The following ERBB4 variants were observed in gnomAD, a reference collection of about 807,000 sequenced individuals.
ERBB4 encodes the protein erb-b2 receptor tyrosine kinase 4.
ERBB4 carries 42 observed loss-of-function variants against 158.0 expected under a neutral mutation model. That is an observed-to-expected ratio of 0.27 (90% confidence interval 0.21 to 0.34). The LOEUF is 0.34. Among genes scored for constraint, ERBB4 ranks in the 10% least tolerant of loss-of-function variants. ERBB4 has a pLI of 1.00. For synonymous variants in ERBB4, 583 were observed against 558.7 expected (o/e 1.04, Z -0.61); for missense variants, 1,333 against 1,624.1 (o/e 0.82, Z 3.08).
chr2:212,081,181 C>T (rs961045810), intron 2 of ERBB4, among the ~76,000 whole-genome samples: 10 of 152,068 alleles, frequency 6.6e-5, no homozygotes, highest in Non-Finnish European at 1.5e-4. Context: ...AAATCCATTG[C>T]TGAAGCAAAT....
intron 1 of ERBB4, among the ~76,000 whole-genome samples, chr2:212,399,910 C>A (rs574428465): frequency 1.3e-5 from 2 of 151,496 alleles, no homozygotes; most frequent in East Asian, 3.9e-4. Context: ...AAACAAAAAA[C>A]GAGCACAGTA....
At chr2:212,353,411 G>A (rs2089337429) in intron 1 of ERBB4, among the ~76,000 whole-genome samples, 1 of 148,578 alleles carries the variant, frequency 6.7e-6, no homozygotes, top group South Asian at 2.1e-4. Flanking sequence ...AATAAAATTT[G>A]TATAAAATAT....
chr2:212,329,120 T>C (rs560626421), intron 1 of ERBB4, among the ~76,000 whole-genome samples: 1 of 152,162 alleles, frequency 6.6e-6, no homozygotes, highest in East Asian at 1.9e-4. Context: ...TGTTATTTCA[T>C]TTTTTCACTT....
intron 20 of ERBB4, among the ~76,000 whole-genome samples, chr2:211,463,868 C>T (rs1251475588): frequency 6.6e-6 from 1 of 152,036 alleles, no homozygotes. Context: ...CCTCTCTAAT[C>T]TCATCTCCCT....
At chr2:212,173,222 G>C (rs1169644227) in intron 1 of ERBB4, among the ~76,000 whole-genome samples, 1 of 151,632 alleles carries the variant, frequency 6.6e-6, no homozygotes, top group East Asian at 1.9e-4. Context: ...ATTCAAGAAA[G>C]AAAATAAAAT....
At chr2:212,192,026 A>ATATTATATGT (rs1559707275) in intron 1 of ERBB4, among the ~76,000 whole-genome samples, 224 of 18,692 alleles carry the variant, frequency 0.012, 3 homozygotes, top group Non-Finnish European at 0.023. Context: ...TATATGTTAT[A>ATATTATATGT]TATGTTATAT....
intron 1 of ERBB4, among the ~76,000 whole-genome samples, chr2:212,402,380 A>T (rs916350464): frequency 3.3e-5 from 5 of 152,040 alleles, no homozygotes; most frequent in Admixed American, 6.6e-5. Context: ...AGGAATGTGG[A>T]TGTGGTTATA....
At chr2:211,641,399 TGC>T (rs2125894526) in intron 16 of ERBB4, among the ~76,000 whole-genome samples, 1 of 152,234 alleles carries the variant, frequency 6.6e-6, no homozygotes, top group South Asian at 2.1e-4. Flanking sequence ...GATCATCATT[TGC>T]AAGAGGAACA....
At chr2:211,773,633 T>TATATATATATAATATATATATATATATA (rs1553630515) in intron 4 of ERBB4, among the ~76,000 whole-genome samples, 1 of 102,840 alleles carries the variant, frequency 9.7e-6, no homozygotes, top group African/African-American at 4.5e-5. Context: ...TATATATATA[T>TATATATATATAATATATATATATATATA]ATATATATAT....
chr2:211,732,342 G>T, intron 5 of ERBB4, among the ~76,000 whole-genome samples: 1 of 149,842 alleles, frequency 6.7e-6, no homozygotes. Context: ...ATTTAAAAAG[G>T]CTCTCAGAGG....
chr2:211,688,721 A>G (rs2072675481), intron 12 of ERBB4, among the ~76,000 whole-genome samples: 1 of 152,196 alleles, frequency 6.6e-6, no homozygotes, highest in Admixed American at 6.5e-5. Flanking sequence ...AAATGATCCA[A>G]AAAAGCTGCT....
chr2:212,056,848 T>C (rs1298926166), intron 2 of ERBB4, among the ~76,000 whole-genome samples: 1 of 152,098 alleles, frequency 6.6e-6, no homozygotes, highest in East Asian at 1.9e-4. Context: ...AGACCATAAA[T>C]GCTAGGAAGA....
intron 2 of ERBB4, among the ~76,000 whole-genome samples, chr2:212,090,193 C>T (rs2078730946): frequency 6.6e-6 from 1 of 151,362 alleles, no homozygotes; most frequent in African/African-American, 2.4e-5. Flanking sequence ...TAAACTCTAC[C>T]AAATCTCCTC....
Position 211,516,587 on chromosome 2 carries a change from A to G in ERBB4, c.2487+45316T>C, listed in dbSNP as rs536147349. Among the ~76,000 whole-genome samples, 8 of 151,988 alleles carry G rather than the reference A, an allele frequency of 5.3e-5. No homozygotes were observed. In the East Asian group the frequency reaches 1.6e-3, roughly 30 times the overall value. On this transcript the variant is annotated intron_variant, in intron 20 of 27. Coordinates refer to ENST00000342788, the MANE Select transcript of ERBB4 (RefSeq NM_005235.3). The stretch of plus-strand genomic sequence containing the variant: ...TGGCCTCAAGTGATCTGCTGGACTC[A>G]GCCTCCCAGAGTTCTGGGATTACAA...
intron 15 of ERBB4, among the ~76,000 whole-genome samples, chr2:211,660,334 T>C (rs1435149174): frequency 6.6e-6 from 1 of 152,106 alleles, no homozygotes; most frequent in Non-Finnish European, 1.5e-5. Flanking sequence ...TGGACCAAAC[T>C]AGGGAAATGG....
At chr2:211,710,405 G>A (rs1326503772) in intron 9 of ERBB4, among the ~76,000 whole-genome samples, 1 of 151,998 alleles carries the variant, frequency 6.6e-6, no homozygotes, top group African/African-American at 2.4e-5. Flanking sequence ...TGGGTATATT[G>A]CCTTACTAAA....
chr2:211,437,745 G>A (rs936109789), intron 20 of ERBB4, among the ~76,000 whole-genome samples: 1 of 137,494 alleles, frequency 7.3e-6, no homozygotes, highest in African/African-American at 2.7e-5. Context: ...GTTAGCAAGA[G>A]AGCATTTTTT....
At chr2:211,776,991 T>C (rs928950354) in intron 4 of ERBB4, among the ~76,000 whole-genome samples, 3 of 152,114 alleles carry the variant, frequency 2.0e-5, no homozygotes, top group African/African-American at 7.2e-5. Flanking sequence ...TCTGACTGGG[T>C]TGCATTTTAG....
intron 20 of ERBB4, among the ~76,000 whole-genome samples, chr2:211,435,426 G>A (rs1315921679): frequency 1.3e-5 from 2 of 152,204 alleles, no homozygotes; most frequent in Non-Finnish European, 2.9e-5. Flanking sequence ...TTAAATATGA[G>A]AAAACAAAGG....
Sources: gnomAD v4.1 joint callset for allele counts (sites outside exome capture counted in the v4.1 genomes callset) on GRCh38, gnomAD v4.1.1 for gene constraint, MANE v1.5 for transcripts, NCBI Gene and HGNC (gene_info 2026-07-23, HGNC 2026-07-21) for gene names.